RELL1: variants seen among roughly 807,000 people sequenced by gnomAD.
RELL1 encodes the protein RELT like 1, also known as RELT-like protein 1.
A neutral mutation model predicts 23.0 loss-of-function variants in RELL1; 10 were observed. The observed-to-expected ratio is 0.43, with a 90% CI of 0.27 to 0.74. The LOEUF is 0.74. RELL1 is among the 30% of genes least tolerant of loss of function. The pLI, the probability that RELL1 is intolerant of heterozygous loss-of-function variation, is 0.19. For synonymous variants in RELL1, 146 were observed against 146.8 expected (o/e 0.99, Z 0.04); for missense variants, 315 against 364.4 (o/e 0.86, Z 1.10).
intron 4 of RELL1, 112 bp from the exon 5 acceptor site, chr4:37,635,235 G>A (rs772083958): frequency 3.5e-5 from 29 of 825,244 alleles, no homozygotes; most frequent in Admixed American, 7.4e-5. Context: ...AAAAAAAAGC[G>A]TCTTCCAATT....
downstream of RELL1, among the ~76,000 whole-genome samples, chr4:37,586,853 C>T (rs1577543649): frequency 1.3e-5 from 2 of 152,092 alleles, no homozygotes; most frequent in East Asian, 1.9e-4. Flanking sequence ...GAGGTTGCAG[C>T]GAGCCGAGAT....
intron 6 of RELL1, among the ~76,000 whole-genome samples, chr4:37,604,920 G>GACACACACACAGACAC (rs1560324080): frequency 9.2e-6 from 1 of 108,186 alleles, no homozygotes; most frequent in African/African-American, 5.0e-5. Context: ...CACACACACA[G>GACACACACACAGACAC]ACACACACAC....
Position 37,590,922 on chromosome 4 carries a change from C to T in RELL1, c.*299G>A, listed in dbSNP as rs372748082. ...GAGATGGGGATGGGGAGATTGTGGA[C>T]GAGGATGCAGCGGTGGCGGAGGCCC... On this transcript the variant is annotated 3_prime_UTR_variant, in exon 7 of 7. Coordinates refer to the RELL1 transcript ENST00000314117. The T allele has an allele frequency of 9.9e-6, 16 of 1,614,016 alleles. 1 individual carries two copies. In the East Asian group the frequency reaches 1.1e-4, roughly 11 times the overall value.
At chr4:37,641,584 G>C (rs1720532952) in intron 3 of RELL1, among the ~76,000 whole-genome samples, 1 of 152,170 alleles carries the variant, frequency 6.6e-6, no homozygotes, top group Non-Finnish European at 1.5e-5. Flanking sequence ...TCCCCAAAAT[G>C]GGAGGAGCTA....
rs569394305 is a variant in RELL1 at position 37,598,859 on chromosome 4, T to A, written c.*4-7642A>T. ...ACCACCATGCCCAGCTAGTTTTTTGTATTTTAGTAGAGACAAGGTTTCACC... is the reference window on the plus strand; with the variant it reads ...ACCACCATGCCCAGCTAGTTTTTTGAATTTTAGTAGAGACAAGGTTTCACC... On this transcript the variant is annotated intron_variant, in intron 6 of 6. Coordinates refer to the RELL1 transcript ENST00000314117. Among the ~76,000 whole-genome samples the A allele has an allele frequency of 3.3e-5, 5 of 152,202 alleles. No individual in the cohort carries two copies. In the East Asian group the frequency reaches 9.7e-4, roughly 29 times the overall value.
chr4:37,591,139 T>TGATTGTCAGCATCTGTCCC lies in RELL1; in HGVS notation c.*63_*81dup, dbSNP rs1718590861. On this transcript the variant is annotated 3_prime_UTR_variant, in exon 7 of 7. Transcript: ENST00000314117. ...AGTTGTTTACATCCAGCATCTGTTC[T>TGATTGTCAGCATCTGTCCC]GATTGTCAGCATCTGTCCCATGCTG... 4 of 684,784 alleles carry TGATTGTCAGCATCTGTCCC rather than the reference T, an allele frequency of 5.8e-6. No homozygotes were observed. The East Asian group carries it at 8.1e-5, about 14-fold the overall frequency. The allele number at this position is 684,784 out of a possible 1,614,324, so 42.4% of individuals were successfully genotyped here. A position where few individuals can be genotyped will look rare whatever the true frequency, so the allele number is the denominator to read the frequency against.
intron 6 of RELL1, among the ~76,000 whole-genome samples, chr4:37,623,820 T>G (rs1223121250): frequency 6.6e-6 from 1 of 152,220 alleles, no homozygotes; most frequent in Non-Finnish European, 1.5e-5. Context: ...TTTTATATTC[T>G]GTTGCCCCGT....
chr4:37,681,012 G>A (rs1312144338), intron 1 of RELL1, among the ~76,000 whole-genome samples: 1 of 151,402 alleles, frequency 6.6e-6, no homozygotes, highest in Admixed American at 6.6e-5. Context: ...TTGGAGTAAT[G>A]GAATCAAGGG....
rs56405246 is a variant in RELL1, at chr4:37,627,069, G to A, written c.*3+4316C>T. 3.0e-3 allele frequency among the ~76,000 whole-genome samples: 455 copies of A among 152,264 alleles called. 1 individual carries two copies. The highest frequency in any genetic ancestry group is 0.01 in the African/African-American group (429 of 41,548). On this transcript the variant is annotated intron_variant, in intron 6 of 6. Transcript: ENST00000454158. ...TATAAGTATGTGTGGCAATGCATACGTTCATTAGCTCAATTTAGCCATCGC... is the reference window on the plus strand; with the variant it reads ...TATAAGTATGTGTGGCAATGCATACATTCATTAGCTCAATTTAGCCATCGC...
intron 6 of RELL1, among the ~76,000 whole-genome samples, chr4:37,628,768 G>A (rs1306250947): frequency 6.6e-6 from 1 of 152,194 alleles, no homozygotes; most frequent in Non-Finnish European, 1.5e-5. Context: ...GGGCAGTTAA[G>A]TACAATGTCC....
At chr4:37,681,310 T>C (rs1722211075) in intron 1 of RELL1, among the ~76,000 whole-genome samples, 1 of 152,154 alleles carries the variant, frequency 6.6e-6, no homozygotes, top group Non-Finnish European at 1.5e-5. Flanking sequence ...ATGCGCACTC[T>C]GGAGAAAAAA....
chr4:37,675,851 T>C (rs1002897277), intron 1 of RELL1, among the ~76,000 whole-genome samples: 4 of 152,128 alleles, frequency 2.6e-5, no homozygotes, highest in South Asian at 2.1e-4. Flanking sequence ...AACATGAGAG[T>C]TGAAAAGCAA....
At chr4:37,609,897 C>A (rs1719323431), downstream of RELL1, among the ~76,000 whole-genome samples, 1 of 152,196 alleles carries the variant, frequency 6.6e-6, no homozygotes, top group Admixed American at 6.5e-5. Flanking sequence ...GGTGAAGATG[C>A]TGTGAACACT....
At chr4:37,673,165 A>G (rs1340398511) in intron 1 of RELL1, among the ~76,000 whole-genome samples, 1 of 148,404 alleles carries the variant, frequency 6.7e-6, no homozygotes, top group Non-Finnish European at 1.5e-5. Context: ...CCAAGCCATC[A>G]AGACTATATA....
intron 1 of RELL1, among the ~76,000 whole-genome samples, chr4:37,672,729 T>A (rs1721873319): frequency 6.6e-6 from 1 of 151,860 alleles, no homozygotes; most frequent in African/African-American, 2.4e-5. Flanking sequence ...AGCTGGTTAG[T>A]TTTCCTTCCC....
intron 1 of RELL1, among the ~76,000 whole-genome samples, chr4:37,678,228 G>A (rs1471792090): frequency 2.6e-5 from 4 of 152,098 alleles, no homozygotes; most frequent in Admixed American, 6.6e-5. Context: ...ACTCACTATC[G>A]TGAGGGCAGC....
downstream of RELL1, among the ~76,000 whole-genome samples, chr4:37,587,736 A>G (rs1473559375): frequency 6.6e-6 from 1 of 152,232 alleles, no homozygotes; most frequent in African/African-American, 2.4e-5. Context: ...TGAGAGGCCA[A>G]GGCAGGCAGA....
chr4:37,604,918 C>G (rs200008882), intron 6 of RELL1, among the ~76,000 whole-genome samples: 22,374 of 68,872 alleles, frequency 0.32, 3,667 homozygotes, highest in East Asian at 0.4. Context: ...CACACACACA[C>G]AGACACACAC....
At chr4:37,639,812 C>T (rs1720462861) in intron 3 of RELL1, among the ~76,000 whole-genome samples, 1 of 152,204 alleles carries the variant, frequency 6.6e-6, no homozygotes, top group Admixed American at 6.5e-5. Flanking sequence ...AAGCCAACAC[C>T]AACATTTAAT....
Sources: gnomAD v4.1 joint callset for allele counts (sites outside exome capture counted in the v4.1 genomes callset) on GRCh38, gnomAD v4.1.1 for gene constraint, MANE v1.5 for transcripts, NCBI Gene and HGNC (gene_info 2026-07-23, HGNC 2026-07-21) for gene names.